Variants in PLEKHM3 observed in about 807,000 individuals in gnomAD.
The protein encoded by PLEKHM3 is pleckstrin homology domain containing M3, also known as pleckstrin homology domain-containing family M member 3.
A neutral mutation model predicts 81.8 loss-of-function variants in PLEKHM3; 45 were observed. That is an observed-to-expected ratio of 0.55 (90% CI 0.43 to 0.71). The LOEUF is 0.71. Among genes scored for constraint, PLEKHM3 ranks in the 30% least tolerant of loss-of-function variants. The probability of loss-of-function intolerance (pLI) is 0.00; values close to 1 mark genes in which losing one functional copy is unlikely to be tolerated. For missense variants in PLEKHM3, 788 were observed against 924.3 expected, an observed-to-expected ratio of 0.85 and a Z score of 1.91; for synonymous variants, 352 against 356.4, an observed-to-expected ratio of 0.99 and a Z score of 0.14.
chr2:207,831,430 G>A (rs946198533), intron 7 of PLEKHM3, among the ~76,000 whole-genome samples: 1 of 152,298 alleles, frequency 6.6e-6, no homozygotes, highest in South Asian at 2.1e-4. Flanking sequence ...ATAGGGAAAC[G>A]TAGGGCTTCC....
chr2:207,861,806 A>G (rs2092468989), intron 6 of PLEKHM3, among the ~76,000 whole-genome samples: 1 of 152,164 alleles, frequency 6.6e-6, no homozygotes, highest in Admixed American at 6.6e-5. Context: ...CCTGATGGCC[A>G]TTTTCAGCCT....
At chr2:208,019,567 T>C (rs990226363) in intron 1 of PLEKHM3, 1 of 152,216 alleles carries the variant, frequency 6.6e-6, no homozygotes, top group Non-Finnish European at 1.5e-5. Context: ...CCTCCATTAT[T>C]ATGCATCTCA....
intron 2 of PLEKHM3, 48 bp downstream of exon 2, chr2:208,000,982 C>T (rs1232540022): frequency 1.4e-6 from 2 of 1,395,308 alleles, no homozygotes; most frequent in African/African-American, 3.0e-5. Context: ...GTCACAGCCC[C>T]AAAAAGAAAA....
chr2:207,845,599 T>A (rs1481480025), intron 7 of PLEKHM3, among the ~76,000 whole-genome samples: 3 of 152,166 alleles, frequency 2.0e-5, no homozygotes, highest in Non-Finnish European at 2.9e-5. Context: ...CAACATATGA[T>A]AAGGATGTAA....
chr2:207,997,140 T>C (rs1398277962), intron 2 of PLEKHM3, among the ~76,000 whole-genome samples: 1 of 152,136 alleles, frequency 6.6e-6, no homozygotes, highest in Admixed American at 6.5e-5. Flanking sequence ...CTAACAAATA[T>C]GCTACTTTGT....
intron 6 of PLEKHM3, among the ~76,000 whole-genome samples, chr2:207,884,468 GA>G (rs1194220725): frequency 6.6e-6 from 1 of 152,126 alleles, no homozygotes; most frequent in Non-Finnish European, 1.5e-5. Flanking sequence ...ACAAAAGTTA[GA>G]AAAAAATTAA....
intron 6 of PLEKHM3, among the ~76,000 whole-genome samples, chr2:207,881,648 T>C (rs953954980): frequency 6.6e-6 from 1 of 152,210 alleles, no homozygotes; most frequent in Admixed American, 6.5e-5. Context: ...AAAATGGGAA[T>C]TGGGGCCAAG....
intron 4 of PLEKHM3, among the ~76,000 whole-genome samples, chr2:207,937,999 G>A (rs1413794293): frequency 1.3e-5 from 2 of 152,184 alleles, no homozygotes; most frequent in African/African-American, 4.8e-5. Context: ...AGCTCCACAA[G>A]GGCAGTAGAG....
At chr2:207,901,211 C>T in intron 6 of PLEKHM3, 2 of 702,096 alleles carry the variant, frequency 2.8e-6, no homozygotes. Context: ...GTGACTTTGT[C>T]CTTAGTGCCG....
At chr2:208,007,958 CAGG>C (rs1274734789) in intron 1 of PLEKHM3, among the ~76,000 whole-genome samples, 1 of 152,120 alleles carries the variant, frequency 6.6e-6, no homozygotes, top group Non-Finnish European at 1.5e-5. Context: ...GAGGCTGAGG[CAGG>C]AGAATGGCGT....
At chr2:207,934,665 C>A (rs1689689683) in intron 4 of PLEKHM3, among the ~76,000 whole-genome samples, 1 of 152,126 alleles carries the variant, frequency 6.6e-6, no homozygotes, top group Non-Finnish European at 1.5e-5. Context: ...CCCTACCTCA[C>A]ATTCAGGAGG....
chr2:208,006,056 G>A (rs138041374), intron 1 of PLEKHM3, among the ~76,000 whole-genome samples: 25 of 152,208 alleles, frequency 1.6e-4, no homozygotes, highest in Non-Finnish European at 3.4e-4. Context: ...AGTCTCTCTA[G>A]ATCCTACTCT....
At chr2:207,992,264 C>A (rs184353751) in intron 2 of PLEKHM3, among the ~76,000 whole-genome samples, 23 of 152,282 alleles carry the variant, frequency 1.5e-4, no homozygotes, top group Admixed American at 1.0e-3. Flanking sequence ...GCTGCATAGG[C>A]TTGGATGAGG....
intron 6 of PLEKHM3, among the ~76,000 whole-genome samples, chr2:207,908,078 A>C (rs1157604257): frequency 6.6e-6 from 1 of 152,202 alleles, no homozygotes; most frequent in Admixed American, 6.5e-5. Context: ...CATTTTGTTC[A>C]TCCATTCATT....
At chr2:207,874,071 C>T (rs2092548272) in intron 6 of PLEKHM3, among the ~76,000 whole-genome samples, 1 of 152,216 alleles carries the variant, frequency 6.6e-6, no homozygotes, top group African/African-American at 2.4e-5. Flanking sequence ...ATTACAATTT[C>T]ACATGTCCTA....
At chr2:208,017,468 T>G (rs1468528213) in intron 1 of PLEKHM3, among the ~76,000 whole-genome samples, 1 of 152,200 alleles carries the variant, frequency 6.6e-6, no homozygotes, top group Non-Finnish European at 1.5e-5. Flanking sequence ...AAGAGTTTGC[T>G]GTGCATCAGC....
Position 207,821,865 on chromosome 2 carries a change from C to T in PLEKHM3, c.*6454G>A, listed in dbSNP as rs755320243. On this transcript the variant is annotated 3_prime_UTR_variant, in exon 8 of 8. Transcript: ENST00000427836. Reference sequence around the variant, plus strand: ...AAGAGCTGGGATTACAGGTGTGAGCCGCTGCGGCCAACCACTTTCCCTCCT... The same window carrying T: ...AAGAGCTGGGATTACAGGTGTGAGCTGCTGCGGCCAACCACTTTCCCTCCT... 3.3e-5 allele frequency: 5 copies of T among 152,170 alleles called. No individual in the cohort carries two copies. The highest frequency in any genetic ancestry group is 2.1e-4 in the South Asian group (1 of 4,832). 9.4% of individuals were successfully genotyped at this position (152,170 alleles called of 1,614,324 possible).
At chr2:207,829,523 C>T (rs1031153563) in intron 7 of PLEKHM3, among the ~76,000 whole-genome samples, 2 of 152,160 alleles carry the variant, frequency 1.3e-5, no homozygotes, top group Non-Finnish European at 2.9e-5. Flanking sequence ...GTGATCCACC[C>T]GCCTCGGCTT....
intron 3 of PLEKHM3, among the ~76,000 whole-genome samples, chr2:207,961,542 G>C (rs1256045377): frequency 6.6e-6 from 1 of 152,000 alleles, no homozygotes; most frequent in Admixed American, 6.6e-5. Context: ...TTCAGTTAAA[G>C]GTAATAAATA....
Sources: gnomAD v4.1 joint callset for allele counts (sites outside exome capture counted in the v4.1 genomes callset) on GRCh38, gnomAD v4.1.1 for gene constraint, MANE v1.5 for transcripts, NCBI Gene and HGNC (gene_info 2026-07-23, HGNC 2026-07-21) for gene names.